Variants in ABCC4 observed in about 807,000 individuals in gnomAD.
The protein encoded by ABCC4 is ATP binding cassette subfamily C member 4 (PEL blood group), also known as ATP-binding cassette sub-family C member 4.
A neutral mutation model predicts 168.5 loss-of-function variants in ABCC4; 102 were observed. The ratio of observed to expected loss-of-function variants is 0.61; its 90% confidence interval spans 0.52 to 0.71. ABCC4 has a LOEUF of 0.71. Among genes scored for constraint, ABCC4 ranks in the 30% least tolerant of loss-of-function variants. The pLI is 0.00. For synonymous variants in ABCC4, 617 were observed against 590.7 expected (o/e 1.04, Z -0.65); for missense variants, 1,402 against 1,605.8 (o/e 0.87, Z 2.17).
At chr13:95,064,197 T>C (rs957303190) in intron 25 of ABCC4, among the ~76,000 whole-genome samples, 4 of 148,538 alleles carry the variant, frequency 2.7e-5, no homozygotes, top group Non-Finnish European at 5.9e-5. Flanking sequence ...TGGTAAATCC[T>C]AGTTTATACT....
chr13:95,063,471 A>G (rs2139289497), intron 25 of ABCC4, among the ~76,000 whole-genome samples: 1 of 152,256 alleles, frequency 6.6e-6, no homozygotes, highest in East Asian at 1.9e-4. Flanking sequence ...TTTTGTCTCA[A>G]AATGTTTCAA....
intron 30 of ABCC4, among the ~76,000 whole-genome samples, chr13:95,027,947 T>C (rs1439139073): frequency 1.3e-5 from 2 of 152,216 alleles, no homozygotes; most frequent in African/African-American, 4.8e-5. Flanking sequence ...GACACACCTT[T>C]GGATATTCAA....
chr13:95,124,456 C>A (rs2139432556), intron 19 of ABCC4, among the ~76,000 whole-genome samples: 1 of 150,936 alleles, frequency 6.6e-6, no homozygotes, highest in South Asian at 2.1e-4. Context: ...CTTGGAGAAA[C>A]CAAGGGGAGA....
chr13:95,189,561 T>C (rs369452828), intron 9 of ABCC4, among the ~76,000 whole-genome samples: 6 of 152,210 alleles, frequency 3.9e-5, no homozygotes, highest in African/African-American at 1.4e-4. Context: ...CCTTGGCTAA[T>C]GGATGACTTG....
chr13:95,233,657 T>G (rs909067061), intron 4 of ABCC4, among the ~76,000 whole-genome samples: 1 of 151,936 alleles, frequency 6.6e-6, no homozygotes, highest in African/African-American at 2.4e-5. Context: ...AAATAAAAGA[T>G]GAAATTATTT....
Position 95,227,653 on chromosome 13 carries a change from A to T in ABCC4, c.531+6957T>A, listed in dbSNP as rs1459932788. 2.0e-5 allele frequency among the ~76,000 whole-genome samples: 3 copies of T among 152,252 alleles called. No homozygotes were observed. The East Asian group carries it at 5.8e-4, about 29-fold the overall frequency. Reference sequence around the variant, plus strand: ...TCTACAGACTAATAGACAAAAGATTAGTTTGAGCCATATGAAATTGCTAGT... The same window carrying T: ...TCTACAGACTAATAGACAAAAGATTTGTTTGAGCCATATGAAATTGCTAGT... On this transcript the variant is annotated intron_variant, in intron 4 of 30. Coordinates refer to ENST00000645237, the MANE Select transcript of ABCC4 (RefSeq NM_005845.5).
chr13:95,147,159 G>C (rs1364103894), intron 19 of ABCC4, among the ~76,000 whole-genome samples: 1 of 152,168 alleles, frequency 6.6e-6, no homozygotes, highest in Non-Finnish European at 1.5e-5. Context: ...TGGCAAGCAG[G>C]TGGAAAATTA....
intron 25 of ABCC4, among the ~76,000 whole-genome samples, chr13:95,065,683 A>G (rs1034672144): frequency 3.9e-5 from 6 of 152,226 alleles, no homozygotes; most frequent in African/African-American, 1.4e-4. Context: ...AAATTCTTAG[A>G]TGTGGAATTG....
At chr13:95,049,922 T>C (rs1341095354) in intron 27 of ABCC4, among the ~76,000 whole-genome samples, 1 of 152,194 alleles carries the variant, frequency 6.6e-6, no homozygotes, top group African/African-American at 2.4e-5. Context: ...TGGGTTCCCA[T>C]TTCCAGTTTG....
chr13:95,245,594 G>T (rs1022879739), intron 3 of ABCC4, among the ~76,000 whole-genome samples: 2 of 152,180 alleles, frequency 1.3e-5, no homozygotes, highest in Non-Finnish European at 2.9e-5. Flanking sequence ...CAGTTCCACC[G>T]GTTATTCTGC....
At chr13:95,276,797 T>A (rs1208540512) in intron 1 of ABCC4, among the ~76,000 whole-genome samples, 2 of 152,138 alleles carry the variant, frequency 1.3e-5, no homozygotes, top group African/African-American at 4.8e-5. Context: ...GGCAGGCAGA[T>A]CACCTGAGGC....
intron 19 of ABCC4, among the ~76,000 whole-genome samples, chr13:95,132,496 T>G (rs1026703339): frequency 1.3e-5 from 2 of 152,112 alleles, no homozygotes; most frequent in Non-Finnish European, 2.9e-5. Flanking sequence ...GGATTACAAG[T>G]GTAAGCCACC....
intron 11 of ABCC4, among the ~76,000 whole-genome samples, chr13:95,178,444 G>A (rs1306945562): frequency 6.6e-6 from 1 of 152,222 alleles, no homozygotes; most frequent in African/African-American, 2.4e-5. Context: ...AATGTAAGAG[G>A]TGATAAGTGC....
chr13:95,055,244 T>G (rs551549821), intron 26 of ABCC4, among the ~76,000 whole-genome samples: 1 of 152,204 alleles, frequency 6.6e-6, no homozygotes, highest in African/African-American at 2.4e-5. Flanking sequence ...AGATAAAAAC[T>G]TGACTTACTC....
intron 1 of ABCC4, among the ~76,000 whole-genome samples, chr13:95,279,274 C>T (rs2041052739): frequency 6.6e-6 from 1 of 152,196 alleles, no homozygotes; most frequent in Non-Finnish European, 1.5e-5. Flanking sequence ...TGCTAAAGCG[C>T]TTCGCATGTG....
intron 1 of ABCC4, among the ~76,000 whole-genome samples, chr13:95,283,780 C>A (rs180671347): frequency 5.3e-5 from 8 of 151,770 alleles, no homozygotes; most frequent in Non-Finnish European, 2.9e-5. Flanking sequence ...TACCTGTAAT[C>A]CCAGCTACTA....
intron 20 of ABCC4, among the ~76,000 whole-genome samples, chr13:95,107,528 T>C (rs1476928718): frequency 6.6e-6 from 1 of 152,214 alleles, no homozygotes; most frequent in Non-Finnish European, 1.5e-5. Flanking sequence ...ACTATAGAAA[T>C]GTGCCTTTGC....
At chr13:95,083,946 T>C (rs2034181530) in intron 20 of ABCC4, among the ~76,000 whole-genome samples, 1 of 152,122 alleles carries the variant, frequency 6.6e-6, no homozygotes, top group Non-Finnish European at 1.5e-5. Context: ...ATGAGTCAGT[T>C]GATGTTATGC....
chr13:95,245,111 T>C (rs552252934), intron 3 of ABCC4, among the ~76,000 whole-genome samples: 11 of 152,248 alleles, frequency 7.2e-5, no homozygotes, highest in Admixed American at 2.6e-4. Flanking sequence ...CTCACTGTAG[T>C]CCAGTCACCA....
Sources: allele counts gnomAD v4.1 joint callset (sites outside exome capture counted in the v4.1 genomes callset), GRCh38; gene constraint gnomAD v4.1.1; transcripts MANE v1.5; gene names NCBI Gene and HGNC (gene_info 2026-07-23, HGNC 2026-07-21).